The following SLC35D2 variants were observed in gnomAD, a reference collection of about 807,000 sequenced individuals.
SLC35D2 encodes the protein nucleotide sugar transporter SLC35D2.
In SLC35D2, 43 loss-of-function variants were observed where a neutral mutation model predicts 41.8. That is an observed-to-expected ratio of 1.03 (90% CI 0.81 to 1.33). SLC35D2 has a LOEUF of 1.33. Ranked by LOEUF, SLC35D2 falls within the 40% of genes most tolerant of loss-of-function variation. The pLI is 0.00. For synonymous variants in SLC35D2, 150 were observed against 163.9 expected (o/e 0.92, Z 0.65); for missense variants, 380 against 408.4 (o/e 0.93, Z 0.60).
intron 1 of SLC35D2, 28 bp downstream of exon 1, chr9:96,383,449 G>A: frequency 6.7e-7 from 1 of 1,499,450 alleles, no homozygotes. Flanking sequence ...CACTCCCGCA[G>A]ACCCCCCGGC....
rs201224201 is a variant in SLC35D2 at position 96,345,404 on chromosome 9, G to T, written c.489-3C>A. 1,724 of 1,525,252 alleles carry T rather than the reference G, an allele frequency of 1.1e-3. 1 individual carries two copies. Among genetic ancestry groups the T allele is most frequent in the Non-Finnish European group, 1.3e-3 (1,434 of 1,103,360 alleles). 94.5% of individuals were successfully genotyped at this position (1,525,252 alleles called of 1,614,324 possible). On this transcript the variant is annotated splice_region_variant and splice_polypyrimidine_tract_variant and intron_variant, in intron 6 of 11. Coordinates refer to ENST00000253270, the MANE Select transcript of SLC35D2 (RefSeq NM_007001.3). ...CTAAGTTAAAAGCAAGGTCAGACCT[G>T]GGAGGGAGACCACAAAGGGAGAATG...
chr9:96,322,448 A>G (rs1311696348), intron 10 of SLC35D2, among the ~76,000 whole-genome samples: 1 of 152,164 alleles, frequency 6.6e-6, no homozygotes, highest in Non-Finnish European at 1.5e-5. Context: ...GCTTGAGCCC[A>G]GGAAGTCAAG....
At chr9:96,359,307 CA>C (rs1356916363) in intron 4 of SLC35D2, among the ~76,000 whole-genome samples, 4,443 of 116,900 alleles carry the variant, frequency 0.038, 74 homozygotes, top group Middle Eastern at 0.083. Flanking sequence ...GACTCCGTCT[CA>C]AAAAAAAAAA....
At chr9:96,344,676 T>A (rs1181065904) in intron 7 of SLC35D2, among the ~76,000 whole-genome samples, 1 of 128,258 alleles carries the variant, frequency 7.8e-6, no homozygotes, top group Non-Finnish European at 1.6e-5. Context: ...AAGAAACATA[T>A]GCCTGACTCA....
downstream of SLC35D2, among the ~76,000 whole-genome samples, chr9:96,318,886 G>C (rs920276869): frequency 6.6e-6 from 1 of 152,176 alleles, no homozygotes; most frequent in Non-Finnish European, 1.5e-5. Flanking sequence ...ATGTTATTGA[G>C]GTTGTGGAGA....
intron 9 of SLC35D2, among the ~76,000 whole-genome samples, chr9:96,336,051 A>C (rs879325891): frequency 0.19 from 16,306 of 87,396 alleles, 1,067 homozygotes; most frequent in East Asian, 0.42. Flanking sequence ...CTCCATCTTC[A>C]AAAAAAAAAA....
chr9:96,374,277 T>C (rs1214206519), intron 1 of SLC35D2, among the ~76,000 whole-genome samples: 3 of 152,236 alleles, frequency 2.0e-5, no homozygotes, highest in Admixed American at 1.3e-4. Flanking sequence ...ACGCACGGCC[T>C]GTAATCCCAG....
At chr9:96,314,440 G>A (rs1386587556) in exon 12 of SLC35D2, 1 of 152,092 alleles carries the variant, frequency 6.6e-6, no homozygotes, top group East Asian at 1.9e-4. Context: ...TCCATTGCAG[G>A]GACATGGATG....
At chr9:96,321,550 T>C (rs983790551) in intron 11 of SLC35D2, among the ~76,000 whole-genome samples, 19 of 152,290 alleles carry the variant, frequency 1.2e-4, no homozygotes, top group Admixed American at 8.5e-4. Context: ...TCAAATCTAA[T>C]GCAGAACCTC....
downstream of SLC35D2, among the ~76,000 whole-genome samples, chr9:96,319,490 T>C (rs983078764): frequency 3.5e-5 from 5 of 142,298 alleles, no homozygotes; most frequent in African/African-American, 1.3e-4. Context: ...GTCTGTTATG[T>C]ATTTTACCAC....
chr9:96,373,610 C>T (rs1169118621), intron 1 of SLC35D2, among the ~76,000 whole-genome samples: 2 of 151,324 alleles, frequency 1.3e-5, no homozygotes. Context: ...TTGCTTGAAC[C>T]TGGTAAGCGG....
At chr9:96,359,302 C>T (rs1026131889) in intron 4 of SLC35D2, among the ~76,000 whole-genome samples, 9 of 147,160 alleles carry the variant, frequency 6.1e-5, no homozygotes, top group East Asian at 4.0e-4. Context: ...AGCGAGACTC[C>T]GTCTCAAAAA....
chr9:96,360,554 G>A (rs549268529), intron 3 of SLC35D2, among the ~76,000 whole-genome samples: 10 of 147,700 alleles, frequency 6.8e-5, no homozygotes, highest in African/African-American at 2.5e-4. Flanking sequence ...ACTTGAACCC[G>A]GCGGGCAGAG....
intron 4 of SLC35D2, among the ~76,000 whole-genome samples, chr9:96,355,443 T>C (rs1829982785): frequency 6.6e-6 from 1 of 151,746 alleles, no homozygotes; most frequent in East Asian, 1.9e-4. Flanking sequence ...GCTATGATCA[T>C]GCCACTTGTA....
At chr9:96,379,166 G>A (rs1466443213) in intron 1 of SLC35D2, among the ~76,000 whole-genome samples, 5 of 151,508 alleles carry the variant, frequency 3.3e-5, no homozygotes, top group African/African-American at 2.4e-5. Flanking sequence ...AATTAGCCGG[G>A]TGTGGTGGTA....
intron 9 of SLC35D2, among the ~76,000 whole-genome samples, chr9:96,330,442 C>A (rs1564089545): frequency 6.6e-6 from 1 of 152,222 alleles, no homozygotes; most frequent in African/African-American, 2.4e-5. Flanking sequence ...CAGGCATCGC[C>A]TTAAACCATA....
At chr9:96,353,944 T>C (rs945810505) in intron 4 of SLC35D2, among the ~76,000 whole-genome samples, 1 of 152,122 alleles carries the variant, frequency 6.6e-6, no homozygotes, top group Admixed American at 6.5e-5. Flanking sequence ...CAGCCACCCA[T>C]ACCCCAGCAC....
chr9:96,331,112 GAT>G (rs1401987942), intron 9 of SLC35D2, among the ~76,000 whole-genome samples: 1 of 152,278 alleles, frequency 6.6e-6, no homozygotes, highest in East Asian at 1.9e-4. Flanking sequence ...TGGCCAGGCT[GAT>G]CTCGAACGCC....
intron 4 of SLC35D2, among the ~76,000 whole-genome samples, chr9:96,355,839 C>T (rs1461763844): frequency 6.6e-6 from 1 of 152,078 alleles, no homozygotes; most frequent in Admixed American, 6.6e-5. Context: ...TAATGAAGAC[C>T]TAAATAAATG....
Sources: allele counts gnomAD v4.1 joint callset (sites outside exome capture counted in the v4.1 genomes callset), GRCh38; gene constraint gnomAD v4.1.1; transcripts MANE v1.5; gene names NCBI Gene and HGNC (gene_info 2026-07-23, HGNC 2026-07-21).